The following MIER2 variants were observed in gnomAD, a reference collection of about 807,000 sequenced individuals.
MIER2 encodes the protein MIER family member 2.
In MIER2, 30 loss-of-function variants were observed where a neutral mutation model predicts 67.6. That is an observed-to-expected ratio of 0.44 (90% confidence interval 0.33 to 0.60). The LOEUF (loss-of-function observed/expected upper bound fraction) is 0.60, where lower values mean the gene tolerates loss of function less well. Ranked by LOEUF, MIER2 falls within the 20% of genes least tolerant of loss-of-function variation. MIER2 has a pLI of 0.02. For synonymous variants in MIER2, 372 were observed against 312.6 expected, an observed-to-expected ratio of 1.19 and a Z score of -2.00; for missense variants, 702 against 745.1, an observed-to-expected ratio of 0.94 and a Z score of 0.67.
Position 338,170 on chromosome 19 carries a change from CAAAAAAAAAAAAAAAA to C in MIER2, c.10-2013_10-1998del, listed in dbSNP as rs34351754. Among the ~76,000 whole-genome samples, 14 of 76,902 alleles carry C rather than the reference CAAAAAAAAAAAAAAAA, an allele frequency of 1.8e-4. No individual in the cohort carries two copies. In the South Asian group the frequency reaches 7.8e-3, roughly 43 times the overall value. The allele number at this position is 76,902 out of a possible 152,430, so 50.5% of individuals were successfully genotyped here. ...CTGGCAATACAGCAAGACTCCATCT[CAAAAAAAAAAAAAAAA>C]AAAAAAAAAAAAGATTGGTAAGGAA... On this transcript the variant is annotated intron_variant, in intron 1 of 13. Transcript: ENST00000264819.
chr19:339,590 G>A (rs1972413978), intron 1 of MIER2, among the ~76,000 whole-genome samples: 1 of 152,186 alleles, frequency 6.6e-6, no homozygotes, highest in Non-Finnish European at 1.5e-5. Context: ...CCAGGTCAGG[G>A]TCCTAATATC....
intron 1 of MIER2, 123 bp from the exon 2 acceptor site, chr19:336,296 T>C (rs905608257): frequency 6.7e-6 from 5 of 750,656 alleles, no homozygotes; most frequent in Non-Finnish European, 2.2e-6. Flanking sequence ...GGAAGGGGCT[T>C]TGTCTCCGCC....
At position 344,381 on chromosome 19, in the gene MIER2, G is replaced by A. The variant is rs950970225; in HGVS notation, c.9+393C>T. ...GCAAAGTTGGCAAAGGCGCGGGAGG[G>A]GAGGCCTGCGCGCCGCGGGGCCCGG... On this transcript the variant is annotated intron_variant, in intron 1 of 13. Transcript: ENST00000264819. The A allele has an allele frequency of 2.7e-5, 27 of 984,398 alleles. No homozygotes were observed. The African/African-American group carries it at 3.2e-4, about 11-fold the overall frequency. The allele number at this position is 984,398 out of a possible 1,614,324, so 61.0% of individuals were successfully genotyped here. A position where few individuals can be genotyped will look rare whatever the true frequency, so the allele number is the denominator to read the frequency against.
chr19:311,805 T>A lies in MIER2; in HGVS notation c.984+40A>T, dbSNP rs771406362. On this transcript the variant is annotated intron_variant, in intron 10 of 13. Transcript: ENST00000264819. ...TGCGGACCCTGAGCCCCTCCCCAGATCGAGAAGCCCCCGGTGGAGCCTGGC... is the reference window on the plus strand; with the variant it reads ...TGCGGACCCTGAGCCCCTCCCCAGAACGAGAAGCCCCCGGTGGAGCCTGGC... 2.5e-6 allele frequency: 4 copies of A among 1,606,094 alleles called. No homozygotes were observed. In the Admixed American group the frequency reaches 6.7e-5, roughly 27 times the overall value.
intron 4 of MIER2, 128 bp downstream of exon 4, chr19:327,736 C>A (rs1402766258): frequency 7.7e-6 from 11 of 1,429,816 alleles, no homozygotes; most frequent in African/African-American, 1.4e-5. Flanking sequence ...GTAGTGGTCA[C>A]AGGTACATTC....
At chr19:343,829 A>G (rs1972614322) in intron 1 of MIER2, 1 of 984,798 alleles carries the variant, frequency 1.0e-6, no homozygotes, top group South Asian at 4.7e-5. Context: ...TTCCATCTTC[A>G]CCAGGGCCCT....
chr19:324,445 C>G (rs558143836), intron 7 of MIER2, among the ~76,000 whole-genome samples: 2 of 138,826 alleles, frequency 1.4e-5, no homozygotes, highest in African/African-American at 2.9e-5. Context: ...GCAGACGACT[C>G]GAATGACACA....
rs1970767026 is a variant in MIER2 at position 308,463 on chromosome 19, C to T, written c.1198+114G>A. The T allele has an allele frequency of 8.7e-7, 1 of 1,154,564 alleles. No homozygotes were observed. Among genetic ancestry groups the T allele is most frequent in the Admixed American group, 2.6e-5 (1 of 38,756 alleles). 71.5% of individuals were successfully genotyped at this position (1,154,564 alleles called of 1,614,324 possible). ...CTCCGCCACCCAGACGCCCACTCCT[C>T]CTGGCGAGGCTGGCCCAGCACAGGG... On this transcript the variant is annotated intron_variant, in intron 12 of 13. Transcript: ENST00000264819. The surrounding 1 kb of genome is among the most constrained non-coding windows in gnomAD (Gnocchi z 9.1).
intron 7 of MIER2, among the ~76,000 whole-genome samples, chr19:313,965 A>G (rs1363267636): frequency 1.3e-5 from 2 of 152,186 alleles, no homozygotes; most frequent in African/African-American, 4.8e-5. Context: ...GACAGCCTAG[A>G]TCTGGGGCAG....
Position 327,275 on chromosome 19 carries a change from A to T in MIER2, c.370-19T>A. The T allele has an allele frequency of 6.4e-7, 1 of 1,572,150 alleles. No homozygotes were observed. The highest frequency in any genetic ancestry group is 8.6e-7 in the Non-Finnish European group (1 of 1,167,210). ...TTTGTTCCTTTAAAAAAAAAAAAAA[A>T]AGTAAAGAACATTTTACAGTTTAAC... On this transcript the variant is annotated intron_variant, in intron 4 of 13. Coordinates refer to ENST00000264819, the MANE Select transcript of MIER2 (RefSeq NM_017550.3).
chr19:323,197 T>C (rs1174097733), intron 7 of MIER2, among the ~76,000 whole-genome samples: 33 of 117,764 alleles, frequency 2.8e-4, no homozygotes, highest in African/African-American at 3.3e-4. Context: ...CAATGCAATA[T>C]ACAAGACACA....
intron 13 of MIER2, 142 bp from the exon 14 acceptor site, chr19:306,853 A>T: frequency 7.3e-7 from 1 of 1,362,468 alleles, no homozygotes; most frequent in Non-Finnish European, 1.0e-6. Context: ...GGGTGCCCTG[A>T]GGGGAGCTGG....
chr19:313,381 A>G, intron 8 of MIER2, 111 bp downstream of exon 8: 4 of 1,502,822 alleles, frequency 2.7e-6, no homozygotes, highest in Non-Finnish European at 3.6e-6. Flanking sequence ...CACACACCTG[A>G]CCCCTGCCCT....
Position 344,767 on chromosome 19 carries a change from C to G in MIER2, c.9+7G>C. The G allele has an allele frequency of 2.5e-6, 3 of 1,188,396 alleles. No homozygotes were observed. The highest frequency in any genetic ancestry group is 3.1e-6 in the Non-Finnish European group (3 of 959,958). 73.6% of individuals were successfully genotyped at this position (1,188,396 alleles called of 1,614,324 possible). ...GGGGGGCCGGCTCCCCCGGCCCGCT[C>G]ACTCACCTCCGCCATGGCCGTGTGT... On this transcript the variant is annotated splice_region_variant and intron_variant, in intron 1 of 13. Coordinates refer to ENST00000264819, the MANE Select transcript of MIER2 (RefSeq NM_017550.3).
chr19:328,649 GA>G (rs1212005889), intron 3 of MIER2, among the ~76,000 whole-genome samples: 1 of 152,118 alleles, frequency 6.6e-6, no homozygotes, highest in Non-Finnish European at 1.5e-5. Context: ...TCAAGAGGCT[GA>G]AGCACGAGAA....
chr19:335,956 T>C, intron 2 of MIER2, 127 bp downstream of exon 2: 1 of 862,190 alleles, frequency 1.2e-6, no homozygotes, highest in Non-Finnish European at 1.9e-6. Flanking sequence ...GGGTGGGAGC[T>C]GGGACACCCT....
chr19:310,107 G>A (rs1054545920), intron 10 of MIER2, among the ~76,000 whole-genome samples: 5 of 152,032 alleles, frequency 3.3e-5, no homozygotes, highest in African/African-American at 1.2e-4. Flanking sequence ...GTTCCATGTG[G>A]CACCTGGCAC....
intron 7 of MIER2, among the ~76,000 whole-genome samples, chr19:317,291 G>A (rs1260755391): frequency 6.6e-6 from 1 of 152,014 alleles, no homozygotes; most frequent in Admixed American, 6.5e-5. Flanking sequence ...ACTTTGGGAG[G>A]CTGAGGCGGG....
rs1373224219 is a variant in MIER2, at chr19:344,725, C to T, written c.9+49G>A. On this transcript the variant is annotated intron_variant, in intron 1 of 13. Transcript: ENST00000264819. ...GAGGCCGAGCCACGGCGGCGGGGGGCGCGGACGCGCGGGGGCGGGGGGCCG... is the reference window on the plus strand; with the variant it reads ...GAGGCCGAGCCACGGCGGCGGGGGGTGCGGACGCGCGGGGGCGGGGGGCCG... The T allele has an allele frequency of 3.6e-6, 4 of 1,110,638 alleles. No individual in the cohort carries two copies. In the African/African-American group the frequency reaches 5.0e-5, roughly 14 times the overall value. The allele number at this position is 1,110,638 out of a possible 1,614,324, so 68.8% of individuals were successfully genotyped here.
Sources: allele counts gnomAD v4.1 joint callset (sites outside exome capture counted in the v4.1 genomes callset), GRCh38; gene constraint gnomAD v4.1.1; non-coding constraint Gnocchi (gnomAD v3.1); transcripts MANE v1.5; gene names NCBI Gene and HGNC (gene_info 2026-07-23, HGNC 2026-07-21).